The following SORCS2 variants were observed in gnomAD, a reference collection of about 807,000 sequenced individuals.
The protein encoded by SORCS2 is VPS10 domain-containing receptor SorCS2.
In SORCS2, 100 loss-of-function variants were observed where a neutral mutation model predicts 141.6. That is an observed-to-expected ratio of 0.71 (90% CI 0.60 to 0.83). The LOEUF is 0.83. Ranked by LOEUF, SORCS2 falls within the 40% of genes least tolerant of loss-of-function variation. The pLI, the probability that SORCS2 is intolerant of heterozygous loss-of-function variation, is 0.00. For missense variants in SORCS2, 1,646 were observed against 1,560.2 expected (o/e 1.05, Z -0.93); for synonymous variants, 789 against 676.9 (o/e 1.17, Z -2.57).
chr4:7,682,748 A>C lies in SORCS2; in HGVS notation c.1347A>C (p.Arg449Ser). ...ESVLIDILEV[R>S]GVKGVFLANQ... ...TTCTTTTATTTTTGTCCCAGGTCAG[A>C]GGGGTGAAAGGAGTCTTCCTGGCAA... The change falls in exon 10 of 27, where the codon AGA becomes AGC. Residue 449 changes from arginine (R) to serine (S), a missense_variant. Arg to Ser is a moderately radical substitution (Grantham distance 110). Transcript: ENST00000507866. The C allele has an allele frequency of 6.2e-7, 1 of 1,609,506 alleles. No homozygotes were observed. The highest frequency in any genetic ancestry group is 8.5e-7 in the Non-Finnish European group (1 of 1,177,848).
At chr4:7,371,860 C>T (rs1266972227) in intron 1 of SORCS2, among the ~76,000 whole-genome samples, 1 of 152,162 alleles carries the variant, frequency 6.6e-6, no homozygotes, top group Non-Finnish European at 1.5e-5. Flanking sequence ...TGGTTTCCAC[C>T]AGCTGTGATG....
chr4:7,661,627 G>A, intron 6 of SORCS2, 63 bp downstream of exon 6: 1 of 1,466,538 alleles, frequency 6.8e-7, no homozygotes, highest in South Asian at 1.2e-5. Flanking sequence ...ACACAGCTCG[G>A]CTGCACGTGT....
In SORCS2 at chr4:7,217,129, C is replaced by T. The variant is rs952188226; in HGVS notation, c.480+24003C>T. Among the ~76,000 whole-genome samples the T allele has an allele frequency of 2.0e-5, 3 of 152,234 alleles. No homozygotes were observed. The East Asian group carries it at 5.8e-4, about 29-fold the overall frequency. ...CTCCATGGGGCTCCTCTTTCCCCTT[C>T]ACCTACTCCATGCTGGCTGCTTGCT... On this transcript the variant is annotated intron_variant, in intron 1 of 26. Coordinates refer to ENST00000507866, the MANE Select transcript of SORCS2 (RefSeq NM_020777.3).
At chr4:7,379,977 C>T (rs946754830) in intron 1 of SORCS2, among the ~76,000 whole-genome samples, 13 of 152,334 alleles carry the variant, frequency 8.5e-5, no homozygotes, top group Admixed American at 2.0e-4. Context: ...CCCAGTCTGC[C>T]GGTTCCGTTC....
At chr4:7,556,137 C>T (rs1337450319) in intron 3 of SORCS2, among the ~76,000 whole-genome samples, 3 of 152,136 alleles carry the variant, frequency 2.0e-5, no homozygotes, top group African/African-American at 4.8e-5. Flanking sequence ...GGAGGGGACC[C>T]ACTGGAGGCC....
chr4:7,497,529 C>G (rs1731703162), intron 2 of SORCS2, among the ~76,000 whole-genome samples: 2 of 152,260 alleles, frequency 1.3e-5, no homozygotes, highest in South Asian at 4.1e-4. Flanking sequence ...GGGGGCCCAA[C>G]CAGGGGTCAG....
chr4:7,485,112 T>C (rs1282513885), intron 2 of SORCS2, among the ~76,000 whole-genome samples: 2 of 152,144 alleles, frequency 1.3e-5, no homozygotes, highest in African/African-American at 4.8e-5. Context: ...CACACCCTCC[T>C]GAGGGTCTCA....
chr4:7,707,163 T>C (rs1234189382), intron 14 of SORCS2, among the ~76,000 whole-genome samples: 1 of 152,214 alleles, frequency 6.6e-6, no homozygotes, highest in African/African-American at 2.4e-5. Flanking sequence ...TCTTCTGCTC[T>C]GCCATCATCC....
intron 14 of SORCS2, among the ~76,000 whole-genome samples, chr4:7,705,664 A>C (rs6446615): frequency 0.86 from 131,572 of 152,238 alleles, 56,974 homozygotes; most frequent in South Asian, 0.98. Flanking sequence ...CTGGGACTAC[A>C]CTCTGGCTGG....
At chr4:7,261,869 G>A (rs1227575653) in intron 1 of SORCS2, among the ~76,000 whole-genome samples, 1 of 152,224 alleles carries the variant, frequency 6.6e-6, no homozygotes, top group Non-Finnish European at 1.5e-5. Context: ...AGAAATTAGT[G>A]AGCCAGATGA....
intron 10 of SORCS2, among the ~76,000 whole-genome samples, chr4:7,683,643 G>C (rs547819285): frequency 6.6e-6 from 1 of 152,322 alleles, no homozygotes; most frequent in South Asian, 2.1e-4. Flanking sequence ...CTCTGCCCAT[G>C]GGAGTGAGGG....
intron 9 of SORCS2, among the ~76,000 whole-genome samples, 182 bp downstream of exon 9, chr4:7,676,411 G>A (rs1010346179): frequency 1.3e-5 from 2 of 152,166 alleles, no homozygotes; most frequent in Non-Finnish European, 2.9e-5. Context: ...TATTATGTAG[G>A]TATTTTTAGA....
rs80272223 is a variant in SORCS2 at position 7,299,867 on chromosome 4, C to T, written c.481-96421C>T. ...CCAGGCATGTAGGCAGGAAAGCTGG[C>T]GTTGGCCTCCGCTTGTCCTTCTCCC... On this transcript the variant is annotated intron_variant, in intron 1 of 26. Coordinates refer to ENST00000507866, the MANE Select transcript of SORCS2 (RefSeq NM_020777.3). Among the ~76,000 whole-genome samples the T allele has an allele frequency of 6.0e-3, 908 of 152,310 alleles. 5 individuals carry two copies. The highest frequency in any genetic ancestry group is 0.024 in the East Asian group (124 of 5,164).
intron 3 of SORCS2, among the ~76,000 whole-genome samples, chr4:7,583,638 C>A (rs1716330461): frequency 6.6e-6 from 1 of 152,202 alleles, no homozygotes; most frequent in African/African-American, 2.4e-5. Flanking sequence ...TGAGTGGAAA[C>A]CCCTCTCACT....
intron 2 of SORCS2, among the ~76,000 whole-genome samples, chr4:7,471,912 T>A (rs968646806): frequency 6.6e-6 from 1 of 152,240 alleles, no homozygotes; most frequent in Non-Finnish European, 1.5e-5. Flanking sequence ...GTCATAGCAC[T>A]GCCCCCAGCT....
chr4:7,325,787 C>T lies in SORCS2; in HGVS notation c.481-70501C>T, dbSNP rs554297338. Among the ~76,000 whole-genome samples, 7 of 152,328 alleles carry T rather than the reference C, an allele frequency of 4.6e-5. No homozygotes were observed. In the South Asian group the frequency reaches 8.3e-4, roughly 18 times the overall value. ...CTTCCCTCCCCCCACGCCCACCCTC[C>T]GGTCTTCTTGCTCTTCAGGCACAGA... On this transcript the variant is annotated intron_variant, in intron 1 of 26. Transcript: ENST00000507866.
intron 1 of SORCS2, among the ~76,000 whole-genome samples, chr4:7,274,538 G>A (rs1256614016): frequency 1.3e-5 from 2 of 152,154 alleles, no homozygotes; most frequent in African/African-American, 4.8e-5. Context: ...GGAAGAGGAG[G>A]AGTGGAGAGT....
At chr4:7,735,678 C>G (rs1712106077) in intron 25 of SORCS2, among the ~76,000 whole-genome samples, 1 of 152,208 alleles carries the variant, frequency 6.6e-6, no homozygotes, top group Non-Finnish European at 1.5e-5. Flanking sequence ...CAGAGAGGCA[C>G]TGGCTTCCGA....
At chr4:7,308,540 T>C (rs764730926) in intron 1 of SORCS2, among the ~76,000 whole-genome samples, 9 of 152,182 alleles carry the variant, frequency 5.9e-5, no homozygotes, top group Non-Finnish European at 1.2e-4. Flanking sequence ...CCTGTTACAC[T>C]GAGCACTGGT....
Sources: gnomAD v4.1 joint callset for allele counts (sites outside exome capture counted in the v4.1 genomes callset) on GRCh38, gnomAD v4.1.1 for gene constraint, MANE v1.5 for transcripts, NCBI Gene and HGNC (gene_info 2026-07-23, HGNC 2026-07-21) for gene names.